The following CWF19L1 variants were observed in gnomAD, a reference collection of about 807,000 sequenced individuals.
CWF19L1 encodes CWF19-like protein 1.
In CWF19L1, 60 loss-of-function variants were observed where a neutral mutation model predicts 69.7. The observed-to-expected ratio is 0.86, with a 90% CI of 0.70 to 1.07. CWF19L1 has a LOEUF of 1.07. CWF19L1 is among the 50% of genes least tolerant of loss of function. CWF19L1 has a pLI of 0.00. For synonymous variants in CWF19L1, 209 were observed against 222.2 expected (o/e 0.94, Z 0.53); for missense variants, 591 against 638.9 (o/e 0.92, Z 0.81).
chr10:100,243,799 G>A (rs1283716881), intron 9 of CWF19L1, 22 bp from the exon 10 acceptor site: 14 of 1,599,300 alleles, frequency 8.8e-6, no homozygotes, highest in Non-Finnish European at 1.2e-5. Flanking sequence ...AGAAAGCCAG[G>A]TGTTACTATG....
chr10:100,249,107 T>C (rs1260058164), intron 7 of CWF19L1: 9 of 487,770 alleles, frequency 1.8e-5, no homozygotes, highest in Non-Finnish European at 2.6e-5. Flanking sequence ...GCAGGCCAAC[T>C]GGGCCACAGC....
intron 12 of CWF19L1, 62 bp downstream of exon 12, chr10:100,236,788 C>G (rs914891488): frequency 3.0e-5 from 46 of 1,525,260 alleles, no homozygotes; most frequent in Non-Finnish European, 4.0e-5. Flanking sequence ...AAACAAACAA[C>G]AAACAACAAC....
chr10:100,247,955 A>C lies in CWF19L1; in HGVS notation c.709-1020T>G, dbSNP rs1365916721. Among the ~76,000 whole-genome samples the C allele has an allele frequency of 2.6e-5, 4 of 152,230 alleles. No homozygotes were observed. In the East Asian group the frequency reaches 7.7e-4, roughly 29 times the overall value. On this transcript the variant is annotated intron_variant, in intron 7 of 13. Coordinates refer to ENST00000354105, the MANE Select transcript of CWF19L1 (RefSeq NM_018294.6). ...GAGAAATATGGAGGGGGAAAAAAAA[A>C]AACACTGCTGGGGTAGGGGTATAAA...
intron 13 of CWF19L1, among the ~76,000 whole-genome samples, chr10:100,235,165 C>T (rs1414010479): frequency 6.6e-6 from 1 of 152,200 alleles, no homozygotes; most frequent in African/African-American, 2.4e-5. Flanking sequence ...GCATTTCCAT[C>T]GTTGTGAAAA....
intron 1 of CWF19L1, among the ~76,000 whole-genome samples, chr10:100,264,105 G>A (rs1319224338): frequency 6.6e-6 from 1 of 152,192 alleles, no homozygotes; most frequent in Non-Finnish European, 1.5e-5. Context: ...ACATCATAGT[G>A]CAATATATTA....
At chr10:100,264,124 T>C (rs987757823) in intron 1 of CWF19L1, among the ~76,000 whole-genome samples, 1 of 152,216 alleles carries the variant, frequency 6.6e-6, no homozygotes, top group Non-Finnish European at 1.5e-5. Flanking sequence ...TACTCATTTG[T>C]TTGTGGTAAT....
chr10:100,260,031 G>A (rs527843709), intron 4 of CWF19L1, among the ~76,000 whole-genome samples, 187 bp downstream of exon 4: 119 of 152,178 alleles, frequency 7.8e-4, no homozygotes, highest in African/African-American at 2.7e-3. Context: ...AGCCGGGTAT[G>A]GTCACACACG....
chr10:100,259,980 C>G (rs1449896676), intron 4 of CWF19L1, among the ~76,000 whole-genome samples: 1 of 152,088 alleles, frequency 6.6e-6, no homozygotes, highest in Non-Finnish European at 1.5e-5. Context: ...TCCTGACTAA[C>G]ACGGTGAAAC....
At chr10:100,235,516 C>T (rs1564848154) in intron 13 of CWF19L1, 151 bp downstream of exon 13, 2 of 570,462 alleles carry the variant, frequency 3.5e-6, no homozygotes, top group Admixed American at 6.3e-5. Flanking sequence ...CATTACATTA[C>T]TGTCATATAT....
chr10:100,235,731 C>A lies in CWF19L1; in HGVS notation c.1408G>T (p.Glu470Ter). 6.2e-7 allele frequency: 1 copy of A among 1,612,198 alleles called. No individual in the cohort carries two copies. The change falls in exon 13 of 14, where the codon GAA (glutamate) becomes TAA (stop). Residue 470 changes from glutamate to a stop codon, truncating the protein, a stop_gained. Coordinates refer to ENST00000354105, the MANE Select transcript of CWF19L1 (RefSeq NM_018294.6). LOFTEE classifies it high-confidence loss of function. ...AQPGAAYFYV[E>*]LDTGEKLFHR... Reference sequence around the variant, plus strand: ...AAAAGCTTTTCTCCTGTGTCAAGTTCAACATAAAAATATGCTGCTCCTGGC... The same window carrying A: ...AAAAGCTTTTCTCCTGTGTCAAGTTAAACATAAAAATATGCTGCTCCTGGC...
At chr10:100,242,464 G>A (rs947664216) in intron 10 of CWF19L1, among the ~76,000 whole-genome samples, 9 of 152,084 alleles carry the variant, frequency 5.9e-5, no homozygotes, top group African/African-American at 1.7e-4. Context: ...ACCTGAGGTC[G>A]GGAGTTTGAG....
At position 100,249,504 on chromosome 10, in the gene CWF19L1, CAAAG is replaced by C. The variant is rs1846950051; in HGVS notation, c.708+740_708+743del. On this transcript the variant is annotated intron_variant, in intron 7 of 13. Transcript: ENST00000354105. ...TCATCAACTGCACTGTTTTCCAATA[CAAAG>C]ATAGATTCCAGGTATCACTAAGATT... Among the ~76,000 whole-genome samples, 3 of 152,156 alleles carry C rather than the reference CAAAG, an allele frequency of 2.0e-5. No individual in the cohort carries two copies. The South Asian group carries it at 6.2e-4, about 31-fold the overall frequency.
chr10:100,236,567 C>T (rs545123271), intron 12 of CWF19L1, among the ~76,000 whole-genome samples: 2 of 152,200 alleles, frequency 1.3e-5, no homozygotes, highest in African/African-American at 2.4e-5. Flanking sequence ...GTCAGGAGTT[C>T]GAGACCAGCC....
At chr10:100,261,711 T>G (rs1847407008) in intron 2 of CWF19L1, among the ~76,000 whole-genome samples, 3 of 152,190 alleles carry the variant, frequency 2.0e-5, no homozygotes, top group Admixed American at 1.3e-4. Flanking sequence ...TCAGAATCAC[T>G]TAGGGAAGTG....
chr10:100,248,139 T>A (rs1846892083), intron 7 of CWF19L1: 1 of 553,006 alleles, frequency 1.8e-6, no homozygotes, highest in Non-Finnish European at 3.3e-6. Context: ...GAAAGGGCAA[T>A]TAAAAGAAAA....
At chr10:100,251,302 C>A (rs1847020557) in intron 6 of CWF19L1, among the ~76,000 whole-genome samples, 1 of 152,152 alleles carries the variant, frequency 6.6e-6, no homozygotes, top group Admixed American at 6.5e-5. Flanking sequence ...AACAGTTTTC[C>A]AAAGCGGCTG....
At chr10:100,241,414 G>A (rs1846635731) in intron 10 of CWF19L1, among the ~76,000 whole-genome samples, 1 of 152,146 alleles carries the variant, frequency 6.6e-6, no homozygotes, top group Non-Finnish European at 1.5e-5. Context: ...TGAGACTCTA[G>A]TCAGTCTACA....
At chr10:100,245,534 T>C (rs923412958) in intron 9 of CWF19L1, among the ~76,000 whole-genome samples, 2 of 152,154 alleles carry the variant, frequency 1.3e-5, no homozygotes, top group Non-Finnish European at 2.9e-5. Flanking sequence ...AGCTATCTTG[T>C]AAAACTGGCT....
chr10:100,235,158 T>C (rs1846389996), intron 13 of CWF19L1, among the ~76,000 whole-genome samples: 1 of 152,250 alleles, frequency 6.6e-6, no homozygotes, highest in Admixed American at 6.5e-5. Context: ...TATTTGAGCA[T>C]TTCCATCGTT....
Sources: allele counts gnomAD v4.1 joint callset (sites outside exome capture counted in the v4.1 genomes callset), GRCh38; gene constraint gnomAD v4.1.1; transcripts MANE v1.5; gene names NCBI Gene and HGNC (gene_info 2026-07-23, HGNC 2026-07-21).